The following RASAL2 variants were observed in gnomAD, a reference collection of about 807,000 sequenced individuals.
RASAL2 encodes ras GTPase-activating protein nGAP.
Under a neutral mutation model 128.9 loss-of-function variants are expected in RASAL2, and 58 were observed. That is an observed-to-expected ratio of 0.45 (90% confidence interval 0.36 to 0.56). The LOEUF is 0.56. Ranked by LOEUF, RASAL2 falls within the 20% of genes least tolerant of loss-of-function variation. RASAL2 has a pLI of 0.00. For synonymous variants in RASAL2, 561 were observed against 580.8 expected (o/e 0.97, Z 0.49); for missense variants, 1,360 against 1,601.6 (o/e 0.85, Z 2.57).
At chr1:178,294,051 C>A (rs1667390203) in intron 2 of RASAL2, among the ~76,000 whole-genome samples, 1 of 152,240 alleles carries the variant, frequency 6.6e-6, no homozygotes, top group South Asian at 2.1e-4. Flanking sequence ...TAAAGAATTG[C>A]AAGCAATTTG....
chr1:178,279,341 A>G lies in RASAL2; in HGVS notation c.203-4223A>G, dbSNP rs548589068. On this transcript the variant is annotated intron_variant, in intron 1 of 17. Transcript: ENST00000367649. ...AAAGTTACCTGTCCTGTTGATTCCT[A>G]TTTCAAAATCTGGCTCACATGGTCT... 2.6e-5 allele frequency among the ~76,000 whole-genome samples: 4 copies of G among 152,042 alleles called. No individual in the cohort carries two copies. The South Asian group carries it at 6.2e-4, about 24-fold the overall frequency.
At chr1:178,372,370 T>C in intron 3 of RASAL2, 1 of 984,814 alleles carries the variant, frequency 1.0e-6, no homozygotes, top group Non-Finnish European at 1.2e-6. Flanking sequence ...GTCTGAACTT[T>C]TCTTACTTTT....
chr1:178,214,805 G>A (rs543596649), intron 1 of RASAL2, among the ~76,000 whole-genome samples: 39 of 152,106 alleles, frequency 2.6e-4, no homozygotes, highest in African/African-American at 6.5e-4. Context: ...TGATCTGCCC[G>A]CCTCGGCCTC....
chr1:178,338,577 C>G (rs1269423254), intron 3 of RASAL2, among the ~76,000 whole-genome samples: 3 of 152,116 alleles, frequency 2.0e-5, no homozygotes, highest in African/African-American at 7.2e-5. Flanking sequence ...TTGGTTGATT[C>G]ATAACTAAGA....
At chr1:178,215,176 G>A (rs966554377) in intron 1 of RASAL2, among the ~76,000 whole-genome samples, 2 of 152,200 alleles carry the variant, frequency 1.3e-5, no homozygotes, top group African/African-American at 4.8e-5. Context: ...GATGGATTAG[G>A]TGCTCACCAA....
At chr1:178,097,375 C>T (rs921403444) in intron 1 of RASAL2, among the ~76,000 whole-genome samples, 1 of 152,178 alleles carries the variant, frequency 6.6e-6, no homozygotes, top group Non-Finnish European at 1.5e-5. Context: ...AATCTTTATC[C>T]TGGCTCTTGG....
At chr1:178,245,939 G>T (rs1242907379) in intron 1 of RASAL2, among the ~76,000 whole-genome samples, 1 of 152,056 alleles carries the variant, frequency 6.6e-6, no homozygotes, top group Non-Finnish European at 1.5e-5. Flanking sequence ...ATCTGTTTTG[G>T]TACCACTACC....
chr1:178,284,562 C>A (rs1666931073), intron 2 of RASAL2, among the ~76,000 whole-genome samples: 1 of 152,178 alleles, frequency 6.6e-6, no homozygotes, highest in South Asian at 2.1e-4. Context: ...TTAAAAAACT[C>A]TTAAACTTAT....
chr1:178,216,378 T>C (rs1006760802), intron 1 of RASAL2, among the ~76,000 whole-genome samples: 4 of 152,236 alleles, frequency 2.6e-5, no homozygotes, highest in African/African-American at 9.6e-5. Flanking sequence ...TCCACATGCC[T>C]GTGTTTACTT....
At chr1:178,369,180 A>G (rs984419392) in intron 3 of RASAL2, among the ~76,000 whole-genome samples, 15 of 151,518 alleles carry the variant, frequency 9.9e-5, no homozygotes, top group African/African-American at 3.6e-4. Flanking sequence ...TCTTTTTTTG[A>G]TATGGGGTCT....
intron 3 of RASAL2, among the ~76,000 whole-genome samples, chr1:178,364,095 C>CAAAAAAAAAAAAAA (rs1331381002): frequency 6.5e-4 from 70 of 108,238 alleles, no homozygotes; most frequent in African/African-American, 2.2e-3. Flanking sequence ...GACTCCATCT[C>CAAAAAAAAAAAAAA]AAAAAAAAAA....
At chr1:178,450,301 T>C (rs1677286243) in intron 9 of RASAL2, among the ~76,000 whole-genome samples, 2 of 152,136 alleles carry the variant, frequency 1.3e-5, no homozygotes, top group Admixed American at 6.5e-5. Context: ...AACACTGTTT[T>C]ACAAACAAGA....
chr1:178,457,004 G>A lies in RASAL2; in HGVS notation c.2390+105G>A, dbSNP rs112642962. 1,847 of 1,149,956 alleles carry A rather than the reference G, an allele frequency of 1.6e-3. 33 individuals are homozygous for A. The African/African-American group carries it at 0.024, about 15-fold the overall frequency. 71.2% of individuals were successfully genotyped at this position (1,149,956 alleles called of 1,614,324 possible). A position where few individuals can be genotyped will look rare whatever the true frequency, so the allele number is the denominator to read the frequency against. ...TGAATTTACAAGTTTAAAATCATGA[G>A]CAACTGAAGACTCATCTGACCTGAG... is the stretch of plus-strand genomic sequence containing the variant. On this transcript the variant is annotated intron_variant, in intron 13 of 17. Coordinates refer to ENST00000367649, the MANE Select transcript of RASAL2 (RefSeq NM_170692.4).
intron 4 of RASAL2, among the ~76,000 whole-genome samples, chr1:178,404,840 C>G (rs942107226): frequency 2.0e-5 from 3 of 151,794 alleles, no homozygotes. Flanking sequence ...TGCCACCACA[C>G]CCAGCTAATT....
intron 3 of RASAL2, among the ~76,000 whole-genome samples, chr1:178,366,604 A>AC (rs1671418044): frequency 8.1e-6 from 1 of 123,642 alleles, no homozygotes; most frequent in African/African-American, 3.0e-5. Flanking sequence ...CCAAAAAAAA[A>AC]CACAGATTAT....
chr1:178,229,335 T>A (rs552315229), intron 1 of RASAL2, among the ~76,000 whole-genome samples: 1 of 152,330 alleles, frequency 6.6e-6, no homozygotes, highest in African/African-American at 2.4e-5. Context: ...TAACTGTTTT[T>A]CCCCAGTTCA....
In RASAL2 at chr1:178,474,152, T is replaced by TA. The variant is rs1648514669; in HGVS notation, c.*914dup. 6.5e-6 allele frequency: 1 copy of TA among 152,674 alleles called. No individual in the cohort carries two copies. The highest frequency in any genetic ancestry group is 1.5e-5 in the Non-Finnish European group (1 of 68,054). 9.5% of individuals were successfully genotyped at this position (152,674 alleles called of 1,614,324 possible). On this transcript the variant is annotated 3_prime_UTR_variant, in exon 18 of 18. Transcript: ENST00000367649. ...GGGAGCTGTCATCACCAACAGGGTT[T>TA]ACTCTCCCCTGGAGAGGTTATTTAA...
chr1:178,278,633 A>G (rs191221160), intron 1 of RASAL2, among the ~76,000 whole-genome samples: 2 of 152,096 alleles, frequency 1.3e-5, no homozygotes, highest in East Asian at 1.9e-4. Flanking sequence ...TCTCACAGCA[A>G]TTTTTTCTTA....
chr1:178,300,142 A>G (rs1202290835), intron 3 of RASAL2, 24 bp downstream of exon 3: 14 of 1,591,810 alleles, frequency 8.8e-6, no homozygotes, highest in African/African-American at 1.4e-5. Context: ...AAAAGGAAAT[A>G]AATTCCTAGC....
Sources: gnomAD v4.1 joint callset for allele counts (sites outside exome capture counted in the v4.1 genomes callset) on GRCh38, gnomAD v4.1.1 for gene constraint, MANE v1.5 for transcripts, NCBI Gene and HGNC (gene_info 2026-07-23, HGNC 2026-07-21) for gene names.